The following CPLX2 variants were observed in gnomAD, a reference collection of about 807,000 sequenced individuals.
The protein encoded by CPLX2 is complexin-2.
In CPLX2, 5 loss-of-function variants were observed where a neutral mutation model predicts 16.3. That is an observed-to-expected ratio of 0.31 (90% confidence interval 0.16 to 0.64). The LOEUF (loss-of-function observed/expected upper bound fraction) is 0.64, where lower values mean the gene tolerates loss of function less well. Among genes scored for constraint, CPLX2 ranks in the 30% least tolerant of loss-of-function variants. The pLI, the probability that CPLX2 is intolerant of heterozygous loss-of-function variation, is 0.79. For synonymous variants in CPLX2, 89 were observed against 73.2 expected (o/e 1.22, Z -1.10); for missense variants, 144 against 181.4 (o/e 0.79, Z 1.18).
upstream of CPLX2, among the ~76,000 whole-genome samples, chr5:175,870,170 C>T (rs1759559646): frequency 6.6e-6 from 1 of 152,178 alleles, no homozygotes; most frequent in African/African-American, 2.4e-5. Flanking sequence ...ATGCTGATGG[C>T]CCAACACAGT....
intron 2 of CPLX2, among the ~76,000 whole-genome samples, chr5:175,847,161 G>A (rs887113069): frequency 6.6e-6 from 1 of 152,244 alleles, no homozygotes; most frequent in African/African-American, 2.4e-5. Context: ...TGAGGCCACC[G>A]CAGGAAGTTT....
intron 2 of CPLX2, among the ~76,000 whole-genome samples, chr5:175,856,690 TACAG>T (rs979705853): frequency 2.0e-5 from 3 of 152,122 alleles, no homozygotes; most frequent in East Asian, 1.9e-4. Flanking sequence ...TTTCCTCATC[TACAG>T]ACAGAGATGA....
At position 175,883,403 on chromosome 5, in the gene CPLX2, AAG is replaced by A. The variant is rs375690297; in HGVS notation, c.*3372_*3373del. 8.3e-4 allele frequency: 126 copies of A among 151,394 alleles called. 1 individual carries two copies. Among genetic ancestry groups the A allele is most frequent in the Middle Eastern group, 3.4e-3 (1 of 296 alleles). 9.4% of individuals were successfully genotyped at this position (151,394 alleles called of 1,614,324 possible). On this transcript the variant is annotated 3_prime_UTR_variant, in exon 4 of 4. Coordinates refer to ENST00000393745, the MANE Select transcript of CPLX2 (RefSeq NM_001008220.2). ...TCGAGACACCATCCCAGGTGTGTGT[AAG>A]AGAGAGAGAGAGAACAGGGAGGATA...
intron 1 of CPLX2, among the ~76,000 whole-genome samples, chr5:175,803,893 T>C (rs973876598): frequency 2.0e-4 from 31 of 152,184 alleles, no homozygotes; most frequent in African/African-American, 4.8e-4. Flanking sequence ...AATAAATCCA[T>C]TGGCGCTGGC....
intron 2 of CPLX2, among the ~76,000 whole-genome samples, chr5:175,831,365 C>T (rs1758732697): frequency 6.6e-6 from 1 of 152,192 alleles, no homozygotes; most frequent in African/African-American, 2.4e-5. Flanking sequence ...GCAGAGAGAA[C>T]TGGAACCCAG....
intron 2 of CPLX2, among the ~76,000 whole-genome samples, chr5:175,824,477 G>A (rs949401547): frequency 6.6e-6 from 1 of 152,212 alleles, no homozygotes; most frequent in Non-Finnish European, 1.5e-5. Flanking sequence ...CCCAAAGGAG[G>A]AAACCAAGGC....
At chr5:175,866,065 G>A (rs1241464957) in intron 2 of CPLX2, among the ~76,000 whole-genome samples, 2 of 152,228 alleles carry the variant, frequency 1.3e-5, no homozygotes, top group Non-Finnish European at 2.9e-5. Context: ...GTCTTTCTGA[G>A]CATGCATGGG....
At chr5:175,803,503 T>C (rs1211810696) in intron 1 of CPLX2, among the ~76,000 whole-genome samples, 1 of 152,174 alleles carries the variant, frequency 6.6e-6, no homozygotes, top group Non-Finnish European at 1.5e-5. Flanking sequence ...AAGCTGCCTA[T>C]GGGACAAGCG....
In CPLX2 at chr5:175,814,670, G is replaced by A. The variant is rs545410876; in HGVS notation, c.-89+5602G>A. ...CTCTGTCAGACTCAGACAGAAAAGG[G>A]GGTTATCGAGGTTATCAGATGGGAC... On this transcript the variant is annotated intron_variant, in intron 2 of 4. Coordinates refer to the CPLX2 transcript ENST00000359546. 1.6e-4 allele frequency among the ~76,000 whole-genome samples: 24 copies of A among 152,236 alleles called. No homozygotes were observed. In the South Asian group the frequency reaches 5.0e-3, roughly 32 times the overall value.
chr5:175,838,549 C>T (rs1010515207), intron 2 of CPLX2, among the ~76,000 whole-genome samples: 5 of 152,198 alleles, frequency 3.3e-5, no homozygotes, highest in African/African-American at 9.6e-5. Flanking sequence ...TGAGCCACCG[C>T]GCCCGGCCCC....
chr5:175,865,836 G>A (rs1218567735), intron 2 of CPLX2, among the ~76,000 whole-genome samples: 1 of 152,238 alleles, frequency 6.6e-6, no homozygotes, highest in Non-Finnish European at 1.5e-5. Context: ...TTTGTGCCAT[G>A]TGGGATGAAG....
At chr5:175,877,291 T>C (rs1341421803) in intron 1 of CPLX2, among the ~76,000 whole-genome samples, 1 of 151,740 alleles carries the variant, frequency 6.6e-6, no homozygotes. Context: ...TGAGATGGTC[T>C]GATCACGTAG....
At chr5:175,873,900 G>T (rs1378876019) in intron 1 of CPLX2, among the ~76,000 whole-genome samples, 3 of 152,230 alleles carry the variant, frequency 2.0e-5, no homozygotes, top group African/African-American at 7.2e-5. Context: ...GCAGAGATGA[G>T]GGTAAGAGGT....
rs1488531708 is a variant in CPLX2 at position 175,845,673 on chromosome 5, G to T, written c.-88-32979G>T. Among the ~76,000 whole-genome samples, 1 of 152,168 alleles carries T rather than the reference G, an allele frequency of 6.6e-6. No homozygotes were observed. Among genetic ancestry groups the T allele is most frequent in the Non-Finnish European group, 1.5e-5 (1 of 68,040 alleles). On this transcript the variant is annotated intron_variant, in intron 2 of 4. Coordinates refer to the CPLX2 transcript ENST00000359546. The surrounding 1 kb of genome is among the most constrained non-coding windows in gnomAD (Gnocchi z 4.0). ...GTCTCTTAAGGGCGGGGACTCATTG[G>T]TGCTGGTTCCACGGGCCTGGCACAC...
chr5:175,859,257 T>C (rs924803800), intron 2 of CPLX2, among the ~76,000 whole-genome samples: 4 of 152,260 alleles, frequency 2.6e-5, no homozygotes, highest in African/African-American at 9.6e-5. Context: ...CTTGAAATTA[T>C]GCAGTCCAAA....
At chr5:175,819,239 C>T (rs1758465530) in intron 2 of CPLX2, among the ~76,000 whole-genome samples, 1 of 152,172 alleles carries the variant, frequency 6.6e-6, no homozygotes, top group African/African-American at 2.4e-5. Flanking sequence ...CACATGTACA[C>T]ATTTCTAGGG....
intron 2 of CPLX2, among the ~76,000 whole-genome samples, chr5:175,865,784 C>A (rs114821457): frequency 0.042 from 6,337 of 152,228 alleles, 159 homozygotes; most frequent in Middle Eastern, 0.11. Flanking sequence ...CGGAGCTGGG[C>A]AAAAGATGCA....
chr5:175,851,734 A>T (rs1470895152), intron 2 of CPLX2, among the ~76,000 whole-genome samples: 1 of 152,176 alleles, frequency 6.6e-6, no homozygotes, highest in Non-Finnish European at 1.5e-5. Context: ...TTTGCCCTCC[A>T]GGGTTTAGGA....
chr5:175,823,267 T>TGATGGATGGAGGGATG (rs1554118862), intron 2 of CPLX2, among the ~76,000 whole-genome samples: 1 of 152,092 alleles, frequency 6.6e-6, no homozygotes, highest in Non-Finnish European at 1.5e-5. Context: ...CCTTAGTAAA[T>TGATGGATGGAGGGATG]GATGGATGGA....
Sources: allele counts gnomAD v4.1 joint callset (sites outside exome capture counted in the v4.1 genomes callset), GRCh38; gene constraint gnomAD v4.1.1; non-coding constraint Gnocchi (gnomAD v3.1); transcripts MANE v1.5; gene names NCBI Gene and HGNC (gene_info 2026-07-23, HGNC 2026-07-21).